Variants in RAB39A observed in about 807,000 individuals in gnomAD.
RAB39A encodes RAB39A, member RAS oncogene family, also known as ras-related protein Rab-39A.
A neutral mutation model predicts 20.9 loss-of-function variants in RAB39A; 17 were observed. That is an observed-to-expected ratio of 0.81 (90% CI 0.56 to 1.22). The LOEUF (loss-of-function observed/expected upper bound fraction) is 1.22, where lower values mean the gene tolerates loss of function less well. Among genes scored for constraint, RAB39A ranks in the 50% most tolerant of loss-of-function variants. The pLI is 0.00. For synonymous variants in RAB39A, 99 were observed against 103.4 expected (o/e 0.96, Z 0.26); for missense variants, 234 against 270.5 (o/e 0.87, Z 0.95).
At chr11:107,957,430 G>A (rs778621675) in intron 1 of RAB39A, among the ~76,000 whole-genome samples, 15 of 152,348 alleles carry the variant, frequency 9.8e-5, no homozygotes, top group Admixed American at 7.8e-4. Flanking sequence ...AATGGGCAAC[G>A]TGAGTGTGCT....
chr11:107,941,495 T>G (rs1346317590), intron 1 of RAB39A, among the ~76,000 whole-genome samples: 2 of 152,188 alleles, frequency 1.3e-5, no homozygotes, highest in Non-Finnish European at 2.9e-5. Context: ...TTACTATATT[T>G]TAGGTAAAGA....
intron 1 of RAB39A, among the ~76,000 whole-genome samples, chr11:107,958,132 T>C (rs563390178): frequency 6.6e-6 from 1 of 152,292 alleles, no homozygotes; most frequent in East Asian, 1.9e-4. Flanking sequence ...CCTCAGGTGA[T>C]CTGCCCACCT....
At chr11:107,960,670 G>C (rs149448701) in intron 1 of RAB39A, among the ~76,000 whole-genome samples, 1 of 152,312 alleles carries the variant, frequency 6.6e-6, no homozygotes, top group Non-Finnish European at 1.5e-5. Context: ...GAAGCATTCA[G>C]AGCTAGCAAC....
chr11:107,935,830 T>G (rs1339029105), intron 1 of RAB39A, among the ~76,000 whole-genome samples: 1 of 151,808 alleles, frequency 6.6e-6, no homozygotes, highest in Non-Finnish European at 1.5e-5. Context: ...ATTTGTTCCC[T>G]TAGCCATAAA....
intron 1 of RAB39A, among the ~76,000 whole-genome samples, chr11:107,938,809 T>G (rs927363960): frequency 8.5e-5 from 13 of 152,060 alleles, no homozygotes; most frequent in African/African-American, 3.1e-4. Context: ...ACATTTTGTG[T>G]GGTTGTATGA....
At chr11:107,959,615 A>C (rs1861474838) in intron 1 of RAB39A, among the ~76,000 whole-genome samples, 1 of 152,230 alleles carries the variant, frequency 6.6e-6, no homozygotes, top group Admixed American at 6.5e-5. Context: ...TCTCTCTACT[A>C]GGAATTCTGA....
intron 1 of RAB39A, among the ~76,000 whole-genome samples, chr11:107,935,812 CATT>C (rs904464764): frequency 6.6e-6 from 1 of 151,060 alleles, no homozygotes; most frequent in African/African-American, 2.4e-5. Flanking sequence ...GTTTAGTAAA[CATT>C]ATTAATTTGT....
intron 1 of RAB39A, among the ~76,000 whole-genome samples, chr11:107,952,713 C>G (rs1285271992): frequency 1.3e-5 from 2 of 151,632 alleles, no homozygotes; most frequent in East Asian, 3.9e-4. Context: ...AACCCCGTCT[C>G]TACTAAAAAT....
At position 107,950,041 on chromosome 11, in the gene RAB39A, G is replaced by A. The variant is rs535627174; in HGVS notation, c.228-11905G>A. On this transcript the variant is annotated intron_variant, in intron 1 of 1. Coordinates refer to ENST00000320578, the MANE Select transcript of RAB39A (RefSeq NM_017516.3). ...CAAAAACAAAAAAAATTAGCCGGGC[G>A]TGGTGGCCGGCCCCTGTAGTCCCAG... Among the ~76,000 whole-genome samples, 16 of 152,116 alleles carry A rather than the reference G, an allele frequency of 1.1e-4. No homozygotes were observed. In the South Asian group the frequency reaches 1.9e-3, roughly 18 times the overall value.
At position 107,962,450 on chromosome 11, in the gene RAB39A, A is replaced by T. The variant is rs1238569496; in HGVS notation, c.*78A>T. The T allele has an allele frequency of 1.7e-5, 22 of 1,312,852 alleles. No individual in the cohort carries two copies. The highest frequency in any genetic ancestry group is 1.9e-4 in the Middle Eastern group (1 of 5,260). 81.3% of individuals were successfully genotyped at this position (1,312,852 alleles called of 1,614,324 possible). A position where few individuals can be genotyped will look rare whatever the true frequency, so the allele number is the denominator to read the frequency against. ...AAATACCAACATTAACAGCAGAATG[A>T]TGCAATGAAAGAATTTAAAAAGGTT... On this transcript the variant is annotated 3_prime_UTR_variant, in exon 2 of 2. Coordinates refer to ENST00000320578, the MANE Select transcript of RAB39A (RefSeq NM_017516.3).
At chr11:107,934,522 T>G (rs886514339) in intron 1 of RAB39A, among the ~76,000 whole-genome samples, 21 of 152,322 alleles carry the variant, frequency 1.4e-4, no homozygotes, top group African/African-American at 3.8e-4. Context: ...CCTTAGCATA[T>G]TCTTTGAGCA....
chr11:107,957,698 GT>G (rs1450451326), intron 1 of RAB39A, among the ~76,000 whole-genome samples: 1 of 152,078 alleles, frequency 6.6e-6, no homozygotes, highest in Non-Finnish European at 1.5e-5. Context: ...GTATTTAGGG[GT>G]TTTGTATCTG....
intron 1 of RAB39A, among the ~76,000 whole-genome samples, chr11:107,954,387 A>T (rs1279593859): frequency 1.3e-5 from 2 of 152,186 alleles, no homozygotes; most frequent in African/African-American, 4.8e-5. Flanking sequence ...ACAAGAATGC[A>T]CATACTCTAG....
At chr11:107,937,565 T>C (rs1861208223) in intron 1 of RAB39A, among the ~76,000 whole-genome samples, 1 of 151,928 alleles carries the variant, frequency 6.6e-6, no homozygotes, top group Non-Finnish European at 1.5e-5. Flanking sequence ...AGATGGAGTC[T>C]TGCTCTGTCG....
chr11:107,945,903 G>C (rs1205444715), intron 1 of RAB39A, among the ~76,000 whole-genome samples: 1 of 152,142 alleles, frequency 6.6e-6, no homozygotes. Context: ...TATGTTGGAT[G>C]CTAAAACTGT....
At chr11:107,933,378 T>TC (rs1861159817) in intron 1 of RAB39A, among the ~76,000 whole-genome samples, 1 of 2,622 alleles carries the variant, frequency 3.8e-4, no homozygotes, top group Non-Finnish European at 1.9e-3. Flanking sequence ...TTATTCTTTC[T>TC]TTTTTTTTTT....
At chr11:107,956,297 C>T (rs1487088777) in intron 1 of RAB39A, among the ~76,000 whole-genome samples, 1 of 152,180 alleles carries the variant, frequency 6.6e-6, no homozygotes, top group East Asian at 1.9e-4. Flanking sequence ...CTAAGGTGCA[C>T]TGAATGCCCA....
chr11:107,928,831 C>T lies in RAB39A; in HGVS notation c.227+36C>T. On this transcript the variant is annotated intron_variant, in intron 1 of 1. Coordinates refer to ENST00000320578, the MANE Select transcript of RAB39A (RefSeq NM_017516.3). This position sits in a 1 kb window ranked among gnomAD's most constrained non-coding sequence, Gnocchi z 4.9. ...CGGGGACCTTGGGCACCGCGCCGCCCCCTCAGCCCGCCCGGACGCCCCTTC... is the reference window on the plus strand; with the variant it reads ...CGGGGACCTTGGGCACCGCGCCGCCTCCTCAGCCCGCCCGGACGCCCCTTC... The T allele has an allele frequency of 8.9e-6, 13 of 1,460,696 alleles. No individual in the cohort carries two copies. The highest frequency in any genetic ancestry group is 1.2e-5 in the Non-Finnish European group (13 of 1,087,884). 90.5% of individuals were successfully genotyped at this position (1,460,696 alleles called of 1,614,324 possible).
At chr11:107,933,442 A>G (rs1296656603) in intron 1 of RAB39A, among the ~76,000 whole-genome samples, 3 of 140,414 alleles carry the variant, frequency 2.1e-5, no homozygotes, top group African/African-American at 8.2e-5. Flanking sequence ...AGTGCAGTGA[A>G]ACGATCGGCT....
Sources: allele counts gnomAD v4.1 joint callset (sites outside exome capture counted in the v4.1 genomes callset), GRCh38; gene constraint gnomAD v4.1.1; non-coding constraint Gnocchi (gnomAD v3.1); transcripts MANE v1.5; gene names NCBI Gene and HGNC (gene_info 2026-07-23, HGNC 2026-07-21).